DLG2: variants seen among roughly 807,000 people sequenced by gnomAD.
DLG2 encodes the protein discs large MAGUK scaffold protein 2.
A neutral mutation model predicts 132.5 loss-of-function variants in DLG2; 45 were observed. The observed-to-expected ratio is 0.34, with a 90% CI of 0.27 to 0.44. The LOEUF (loss-of-function observed/expected upper bound fraction) is 0.44. Among genes scored for constraint, DLG2 ranks in the 20% least tolerant of loss-of-function variants. The pLI is 1.00. For missense variants in DLG2, 1,045 were observed against 1,196.9 expected (o/e 0.87, Z 1.87); for synonymous variants, 424 against 419.6 (o/e 1.01, Z -0.13).
At chr11:83,760,362 A>G (rs1460469379) in intron 18 of DLG2, among the ~76,000 whole-genome samples, 4 of 152,234 alleles carry the variant, frequency 2.6e-5, no homozygotes, top group African/African-American at 9.6e-5. Flanking sequence ...TTAGCTGCAT[A>G]GTGCAAAAGC....
chr11:84,033,793 C>G (rs2095782008), intron 11 of DLG2, among the ~76,000 whole-genome samples: 1 of 152,156 alleles, frequency 6.6e-6, no homozygotes, highest in African/African-American at 2.4e-5. Context: ...AATCCCAGCA[C>G]TTTGCGAGGC....
intron 18 of DLG2, among the ~76,000 whole-genome samples, chr11:83,670,456 A>T (rs893357525): frequency 1.3e-5 from 2 of 152,122 alleles, no homozygotes; most frequent in Non-Finnish European, 2.9e-5. Context: ...AGGTTTTGGT[A>T]TACATTGTCC....
chr11:83,680,970 C>T (rs1033355656), intron 18 of DLG2, among the ~76,000 whole-genome samples: 7 of 152,126 alleles, frequency 4.6e-5, no homozygotes, highest in African/African-American at 1.4e-4. Flanking sequence ...TCTACAGATT[C>T]TACATGTAAA....
At chr11:83,559,350 G>C in intron 19 of DLG2, among the ~76,000 whole-genome samples, 1 of 152,148 alleles carries the variant, frequency 6.6e-6, no homozygotes. Flanking sequence ...AGAATTACTC[G>C]CATAATCTTG....
chr11:85,595,963 T>C (rs969026270), intron 3 of DLG2, among the ~76,000 whole-genome samples: 1 of 152,206 alleles, frequency 6.6e-6, no homozygotes, highest in African/African-American at 2.4e-5. Flanking sequence ...TTTATGGTGA[T>C]GCTTTTCAGC....
rs371660153 is a variant in DLG2, at chr11:85,605,733, C to A, written c.-92-6945G>T. ...GTGGCTCACGCCTGTAATACCAGCA[C>A]TTTGGGATGCCAAGGCAGGCAGATC... On this transcript the variant is annotated intron_variant, in intron 2 of 27. Transcript: ENST00000376104. Among the ~76,000 whole-genome samples, 73 of 152,344 alleles carry A rather than the reference C, an allele frequency of 4.8e-4. 2 individuals carry two copies. In the South Asian group the frequency reaches 0.014, roughly 29 times the overall value.
intron 3 of DLG2, among the ~76,000 whole-genome samples, chr11:85,286,546 G>A (rs996903304): frequency 2.0e-5 from 3 of 152,062 alleles, no homozygotes; most frequent in Admixed American, 1.3e-4. Context: ...TTGCTAAAGA[G>A]TAATGAACAC....
At chr11:83,588,264 T>TC (rs1478009915) in intron 19 of DLG2, among the ~76,000 whole-genome samples, 11 of 150,610 alleles carry the variant, frequency 7.3e-5, no homozygotes, top group African/African-American at 2.5e-4. Context: ...GCAGTAGTTC[T>TC]CCCAGCACGC....
rs536375880 is a variant in DLG2 at position 83,517,144 on chromosome 11, G to A, written c.2193+15564C>T. Reference sequence around the variant, plus strand: ...TTTTCAACTTGGTTCCATTCTCCCCGTCACTTTCAGGTACACCAATCAGAT... The same window carrying A: ...TTTTCAACTTGGTTCCATTCTCCCCATCACTTTCAGGTACACCAATCAGAT... On this transcript the variant is annotated intron_variant, in intron 21 of 27. Transcript: ENST00000376104. 6.6e-5 allele frequency among the ~76,000 whole-genome samples: 10 copies of A among 152,240 alleles called. 1 individual carries two copies. The East Asian group carries it at 1.2e-3, about 18-fold the overall frequency.
At chr11:84,712,702 C>T (rs1208673238) in intron 6 of DLG2, among the ~76,000 whole-genome samples, 4 of 152,012 alleles carry the variant, frequency 2.6e-5, no homozygotes, top group Admixed American at 1.3e-4. Context: ...TTACCACATA[C>T]CAGGCATTGT....
At chr11:85,172,333 G>T (rs1219824798) in intron 4 of DLG2, among the ~76,000 whole-genome samples, 1 of 152,192 alleles carries the variant, frequency 6.6e-6, no homozygotes, top group East Asian at 1.9e-4. Context: ...GGTGACCAGG[G>T]TCTAGAGTGG....
chr11:84,837,510 T>C (rs534283536), intron 6 of DLG2, among the ~76,000 whole-genome samples: 2 of 151,720 alleles, frequency 1.3e-5, no homozygotes, highest in Non-Finnish European at 2.9e-5. Flanking sequence ...TCCCTATTAG[T>C]AAAAACTGCC....
chr11:84,788,795 T>C (rs2073360358), intron 6 of DLG2, among the ~76,000 whole-genome samples: 2 of 152,166 alleles, frequency 1.3e-5, no homozygotes, highest in African/African-American at 2.4e-5. Context: ...TAGCATCACA[T>C]AATAATGTAT....
intron 7 of DLG2, among the ~76,000 whole-genome samples, chr11:84,349,157 C>T (rs953488573): frequency 2.6e-5 from 4 of 152,122 alleles, no homozygotes; most frequent in African/African-American, 9.7e-5. Context: ...CCTCGTGTGG[C>T]AGGCTAAGTG....
At chr11:83,611,838 T>G (rs2060160371) in intron 19 of DLG2, among the ~76,000 whole-genome samples, 1 of 152,188 alleles carries the variant, frequency 6.6e-6, no homozygotes, top group Admixed American at 6.5e-5. Flanking sequence ...TCAAGGTGAT[T>G]TAATAGCTAT....
intron 6 of DLG2, among the ~76,000 whole-genome samples, chr11:84,777,299 A>ATATATATATATATATATATT (rs2070790172): frequency 7.8e-6 from 1 of 128,858 alleles, no homozygotes; most frequent in African/African-American, 2.9e-5. Flanking sequence ...ATATATATAT[A>ATATATATATATATATATATT]TATATATATA....
At chr11:83,940,990 G>A (rs74437051) in intron 14 of DLG2, among the ~76,000 whole-genome samples, 7,140 of 152,252 alleles carry the variant, frequency 0.047, 203 homozygotes, top group East Asian at 0.15. Flanking sequence ...CATGTCTGTG[G>A]ATGTGAATTC....
intron 6 of DLG2, among the ~76,000 whole-genome samples, chr11:84,899,857 A>C (rs1043782395): frequency 3.9e-5 from 6 of 152,056 alleles, no homozygotes; most frequent in African/African-American, 1.4e-4. Context: ...TCTCTCTGGG[A>C]AGACACAGGC....
chr11:83,683,126 T>C (rs1423758391), intron 18 of DLG2, among the ~76,000 whole-genome samples: 2 of 152,184 alleles, frequency 1.3e-5, no homozygotes, highest in Non-Finnish European at 2.9e-5. Flanking sequence ...GTTCCCTCCC[T>C]GACAAGGTCA....
Sources: allele counts gnomAD v4.1 joint callset (sites outside exome capture counted in the v4.1 genomes callset), GRCh38; gene constraint gnomAD v4.1.1; transcripts MANE v1.5; gene names NCBI Gene and HGNC (gene_info 2026-07-23, HGNC 2026-07-21).